UGGT2: variants seen among roughly 807,000 people sequenced by gnomAD.
The protein encoded by UGGT2 is UDP-glucose glycoprotein glucosyltransferase 2.
Under a neutral mutation model 192.1 loss-of-function variants are expected in UGGT2, and 180 were observed. That is an observed-to-expected ratio of 0.94 (90% CI 0.83 to 1.06). UGGT2 has a LOEUF of 1.06. UGGT2 is among the 50% of genes least tolerant of loss of function. The pLI is 0.00. For missense variants in UGGT2, 1,849 were observed against 1,795.7 expected, an observed-to-expected ratio of 1.03 and a Z score of -0.54; for synonymous variants, 580 against 591.0, an observed-to-expected ratio of 0.98 and a Z score of 0.27.
chr13:95,837,281 A>C (rs922851522), intron 36 of UGGT2, 79 bp from the exon 37 acceptor site: 41 of 941,566 alleles, frequency 4.4e-5, no homozygotes, highest in Non-Finnish European at 7.0e-5. Flanking sequence ...GTAAGACATC[A>C]GTTAGACTGT....
At chr13:95,940,730 C>CAGTA (rs1168012740) in intron 15 of UGGT2, among the ~76,000 whole-genome samples, 3 of 151,020 alleles carry the variant, frequency 2.0e-5, no homozygotes, top group Non-Finnish European at 4.5e-5. Flanking sequence ...GCTTGGCTTA[C>CAGTA]AGGAACTTGC....
intron 24 of UGGT2, among the ~76,000 whole-genome samples, chr13:95,891,365 T>C (rs995631719): frequency 3.3e-5 from 5 of 152,112 alleles, no homozygotes; most frequent in African/African-American, 9.6e-5. Context: ...TTATTAAATT[T>C]AGTATTTCAA....
rs1890093602 is a variant in UGGT2 at position 95,860,798 on chromosome 13, G to GT, written c.3729dup (p.Arg1244ThrfsTer13). ...AAAAAATATACCTACCTTAAAAAAC[G>GT]TTCATATAAATGACCAGAAGCAACT... On this transcript the variant is annotated frameshift_variant, in exon 32 of 39. Transcript: ENST00000376747. LOFTEE classifies it high-confidence loss of function. 6.6e-7 allele frequency: 1 copy of GT among 1,515,700 alleles called. No individual in the cohort carries two copies. The highest frequency in any genetic ancestry group is 8.8e-7 in the Non-Finnish European group (1 of 1,131,580). The allele number at this position is 1,515,700 out of a possible 1,614,324, so 93.9% of individuals were successfully genotyped here. A position where few individuals can be genotyped will look rare whatever the true frequency, so the allele number is the denominator to read the frequency against.
chr13:95,982,343 T>C (rs1034808315), intron 10 of UGGT2, among the ~76,000 whole-genome samples: 20 of 152,338 alleles, frequency 1.3e-4, no homozygotes, highest in African/African-American at 4.6e-4. Context: ...AATGCTGGCA[T>C]TGTGCCAGTA....
intron 7 of UGGT2, among the ~76,000 whole-genome samples, chr13:95,992,517 C>T (rs1383838848): frequency 6.6e-6 from 1 of 152,128 alleles, no homozygotes; most frequent in Non-Finnish European, 1.5e-5. Flanking sequence ...AGTAATGCTA[C>T]TGATTTCTGT....
rs1337740542 is a variant in UGGT2 at position 95,999,197 on chromosome 13, G to A, written c.757+14C>T. The A allele has an allele frequency of 1.2e-6, 2 of 1,602,948 alleles. No individual in the cohort carries two copies. The highest frequency in any genetic ancestry group is 1.7e-5 in the Admixed American group (1 of 59,958). On this transcript the variant is annotated intron_variant, in intron 6 of 38. Coordinates refer to ENST00000376747, the MANE Select transcript of UGGT2 (RefSeq NM_020121.4). ...ACTTTTCATTCTACTCAAGTACTGA[G>A]ATAGAGAACTTACTTTTAACTTGGG... is the stretch of plus-strand genomic sequence containing the variant.
chr13:96,015,150 C>T (rs907176099), intron 4 of UGGT2, among the ~76,000 whole-genome samples: 32 of 151,608 alleles, frequency 2.1e-4, no homozygotes, highest in African/African-American at 7.5e-4. Context: ...TGGTGGCAGA[C>T]GCCTGTAGTC....
intron 38 of UGGT2, among the ~76,000 whole-genome samples, chr13:95,820,934 C>T (rs748785028): frequency 2.0e-5 from 3 of 152,020 alleles, no homozygotes; most frequent in Non-Finnish European, 4.4e-5. Flanking sequence ...TTGTTCCTTA[C>T]TAGTATTTTC....
At chr13:95,819,828 G>A (rs758861849) in intron 38 of UGGT2, among the ~76,000 whole-genome samples, 6 of 152,140 alleles carry the variant, frequency 3.9e-5, no homozygotes, top group Non-Finnish European at 8.8e-5. Flanking sequence ...TAGAAAAACA[G>A]GAGAAAAATA....
intron 20 of UGGT2, among the ~76,000 whole-genome samples, chr13:95,910,363 A>T (rs1327703442): frequency 6.6e-6 from 1 of 152,202 alleles, no homozygotes. Flanking sequence ...GTGCAGAGAC[A>T]CACATAGGCT....
chr13:96,050,775 C>T (rs1230728501), intron 1 of UGGT2, among the ~76,000 whole-genome samples: 1 of 152,164 alleles, frequency 6.6e-6, no homozygotes, highest in Non-Finnish European at 1.5e-5. Flanking sequence ...ATCAAAACCA[C>T]AATGAGATAC....
chr13:95,853,511 A>G (rs368163877), intron 36 of UGGT2, 32 bp downstream of exon 36: 2 of 1,579,820 alleles, frequency 1.3e-6, no homozygotes, highest in African/African-American at 2.7e-5. Context: ...ATGTACACAC[A>G]CTCAAAATTA....
chr13:95,990,195 G>C, intron 7 of UGGT2, 122 bp from the exon 8 acceptor site: 4 of 521,658 alleles, frequency 7.7e-6, no homozygotes, highest in Non-Finnish European at 1.3e-5. Context: ...TCATCATTAA[G>C]ATAATCATAA....
rs138518264 is a variant in UGGT2, at chr13:95,987,763, C to T, written c.932-1331G>A. Among the ~76,000 whole-genome samples, 81 of 152,182 alleles carry T rather than the reference C, an allele frequency of 5.3e-4. No homozygotes were observed. In the Middle Eastern group the frequency reaches 0.01, roughly 19 times the overall value. ...AGTCCTATCAACCCCTTCTTACATT[C>T]GAAGTCTCTCCAGAAGTATTTACCT... On this transcript the variant is annotated intron_variant, in intron 8 of 38. Transcript: ENST00000376747.
rs562385266 is a variant in UGGT2, at chr13:95,846,124, G to C, written c.4284+7419C>G. Among the ~76,000 whole-genome samples, 12 of 152,296 alleles carry C rather than the reference G, an allele frequency of 7.9e-5. No homozygotes were observed. The East Asian group carries it at 2.3e-3, about 29-fold the overall frequency. On this transcript the variant is annotated intron_variant, in intron 36 of 38. Coordinates refer to ENST00000376747, the MANE Select transcript of UGGT2 (RefSeq NM_020121.4). ...GCCGAGATCACGCCACTGCACTCCAGCCTGGGCAACATTGAGCACTGAGTG... is the reference window on the plus strand; with the variant it reads ...GCCGAGATCACGCCACTGCACTCCACCCTGGGCAACATTGAGCACTGAGTG...
chr13:95,816,787 A>G (rs1397857361), intron 38 of UGGT2, among the ~76,000 whole-genome samples: 1 of 152,214 alleles, frequency 6.6e-6, no homozygotes, highest in Non-Finnish European at 1.5e-5. Flanking sequence ...AATGTTCTAC[A>G]TCTTGATTGT....
chr13:96,052,821 T>C (rs1024221581), intron 1 of UGGT2, among the ~76,000 whole-genome samples: 11 of 152,176 alleles, frequency 7.2e-5, no homozygotes, highest in African/African-American at 2.7e-4. Flanking sequence ...TTAAGCACTG[T>C]CTGAACAGAA....
chr13:95,970,024 T>C, intron 12 of UGGT2, 88 bp downstream of exon 12: 2 of 1,357,838 alleles, frequency 1.5e-6, no homozygotes, highest in African/African-American at 1.5e-5. Flanking sequence ...AATGCTGACA[T>C]TTATCATCAG....
chr13:95,913,872 G>C (rs765795701), intron 20 of UGGT2, among the ~76,000 whole-genome samples: 1 of 152,152 alleles, frequency 6.6e-6, no homozygotes, highest in Admixed American at 6.5e-5. Flanking sequence ...TTAAGAAAAT[G>C]TGGCACGTAT....
Sources: gnomAD v4.1 joint callset for allele counts (sites outside exome capture counted in the v4.1 genomes callset) on GRCh38, gnomAD v4.1.1 for gene constraint, MANE v1.5 for transcripts, NCBI Gene and HGNC (gene_info 2026-07-23, HGNC 2026-07-21) for gene names.